LARGE1: variants seen among roughly 807,000 people sequenced by gnomAD.
LARGE1 encodes the protein LARGE xylosyl- and glucuronyltransferase 1, also known as xylosyl- and glucuronyltransferase LARGE1.
LARGE1 carries 43 observed loss-of-function variants against 87.6 expected under a neutral mutation model. The observed-to-expected ratio is 0.49, with a 90% CI of 0.38 to 0.63. LARGE1 has a LOEUF of 0.63. LARGE1 is among the 30% of genes least tolerant of loss of function. The pLI is 0.00. For missense variants in LARGE1, 802 were observed against 1,000.2 expected, an observed-to-expected ratio of 0.80 and a Z score of 2.67; for synonymous variants, 434 against 394.6, an observed-to-expected ratio of 1.10 and a Z score of -1.18.
chr22:33,123,354 G>A, the LARGE1 span, among the ~76,000 whole-genome samples: 1 of 140,542 alleles, frequency 7.1e-6, no homozygotes, highest in South Asian at 2.8e-4. Flanking sequence ...TCGACTCAGT[G>A]TTGCCATGGA....
At chr22:33,491,542 G>A (rs970073467) in intron 6 of LARGE1, among the ~76,000 whole-genome samples, 1 of 152,226 alleles carries the variant, frequency 6.6e-6, no homozygotes, top group South Asian at 2.1e-4. Flanking sequence ...TTCTGAAGAT[G>A]AAAGAATCTT....
chr22:33,431,136 A>T (rs1014690937), intron 7 of LARGE1, among the ~76,000 whole-genome samples: 4 of 152,186 alleles, frequency 2.6e-5, no homozygotes, highest in African/African-American at 4.8e-5. Context: ...GGCAATGAGG[A>T]TGGAGGAGGG....
intron 7 of LARGE1, among the ~76,000 whole-genome samples, chr22:33,395,476 T>C (rs1205264662): frequency 6.6e-6 from 1 of 152,206 alleles, no homozygotes; most frequent in African/African-American, 2.4e-5. Context: ...TCATAGCATG[T>C]AGAGGACTAC....
At chr22:33,506,181 A>G (rs935493705) in intron 6 of LARGE1, among the ~76,000 whole-genome samples, 5 of 152,152 alleles carry the variant, frequency 3.3e-5, no homozygotes, top group African/African-American at 1.2e-4. Flanking sequence ...TGCCCTGAAC[A>G]TAGTATGTGC....
At chr22:33,167,803 C>T (rs1335804511) in intron 11 of LARGE1, among the ~76,000 whole-genome samples, 1 of 152,142 alleles carries the variant, frequency 6.6e-6, no homozygotes, top group Non-Finnish European at 1.5e-5. Flanking sequence ...GTACAGCAAC[C>T]TACAAGAAGC....
At chr22:33,443,692 T>C (rs1302902422) in intron 6 of LARGE1, among the ~76,000 whole-genome samples, 1 of 152,240 alleles carries the variant, frequency 6.6e-6, no homozygotes, top group East Asian at 1.9e-4. Flanking sequence ...CCCCAAGATA[T>C]CCCCAGCAGG....
At chr22:33,557,918 T>G (rs1185267984) in intron 6 of LARGE1, among the ~76,000 whole-genome samples, 1 of 152,114 alleles carries the variant, frequency 6.6e-6, no homozygotes, top group Non-Finnish European at 1.5e-5. Context: ...GCCCAGGACT[T>G]TTAACAAAAC....
At chr22:33,470,912 A>C (rs948842850) in intron 6 of LARGE1, among the ~76,000 whole-genome samples, 1 of 152,242 alleles carries the variant, frequency 6.6e-6, no homozygotes, top group Non-Finnish European at 1.5e-5. Context: ...CTCAGGTTAG[A>C]CTTCTGTCAA....
At chr22:33,741,763 G>A (rs1270387021) in intron 2 of LARGE1, among the ~76,000 whole-genome samples, 1 of 152,180 alleles carries the variant, frequency 6.6e-6, no homozygotes, top group Non-Finnish European at 1.5e-5. Flanking sequence ...GAATGGCAGC[G>A]GGAAGAAAGA....
rs578015943 is a variant in LARGE1 at position 33,461,396 on chromosome 22, T to C, written c.788-29131A>G. Among the ~76,000 whole-genome samples, 46 of 152,296 alleles carry C rather than the reference T, an allele frequency of 3.0e-4. No individual in the cohort carries two copies. In the South Asian group the frequency reaches 9.5e-3, roughly 32 times the overall value. ...CCCATTGAATTGTTTCAGTGACTCA[T>C]TTCTAATAAATAGAATGGGACAGAA... On this transcript the variant is annotated intron_variant, in intron 6 of 14. Coordinates refer to ENST00000397394, the MANE Select transcript of LARGE1 (RefSeq NM_133642.5).
chr22:33,166,419 C>T (rs1462929911), exon 12 of LARGE1: 1 of 225,302 alleles, frequency 4.4e-6, no homozygotes, highest in African/African-American at 2.3e-5. Flanking sequence ...CTGGCACGTA[C>T]CACCTTAATC....
At chr22:33,313,574 G>C (rs1935835787) in intron 11 of LARGE1, among the ~76,000 whole-genome samples, 1 of 152,184 alleles carries the variant, frequency 6.6e-6, no homozygotes, top group South Asian at 2.1e-4. Context: ...AAGACTCCAG[G>C]GTCATGGGCC....
At chr22:33,137,616 C>G in the LARGE1 span, among the ~76,000 whole-genome samples, 1 of 152,226 alleles carries the variant, frequency 6.6e-6, no homozygotes, top group Non-Finnish European at 1.5e-5. Context: ...GTCTTCACAG[C>G]AGTCCATCAA....
intron 2 of LARGE1, among the ~76,000 whole-genome samples, chr22:33,684,332 G>A (rs2149313771): frequency 6.6e-6 from 1 of 152,068 alleles, no homozygotes; most frequent in Non-Finnish European, 1.5e-5. Flanking sequence ...GCCAACGGGA[G>A]TGCAAGGACC....
intron 6 of LARGE1, among the ~76,000 whole-genome samples, chr22:33,478,523 C>G (rs1215993744): frequency 1.3e-5 from 2 of 152,260 alleles, no homozygotes; most frequent in Non-Finnish European, 2.9e-5. Flanking sequence ...TTCCTCCATG[C>G]TGCTTTCCTA....
intron 5 of LARGE1, among the ~76,000 whole-genome samples, chr22:33,571,026 C>G (rs78341839): frequency 3.3e-5 from 5 of 152,100 alleles, no homozygotes; most frequent in Non-Finnish European, 7.4e-5. Flanking sequence ...ACTATCAACA[C>G]GCCAAAGGGT....
At chr22:33,654,575 C>T (rs19801) in intron 2 of LARGE1, among the ~76,000 whole-genome samples, 60,698 of 151,970 alleles carry the variant, frequency 0.4, 14,130 homozygotes, top group South Asian at 0.61. Context: ...GATCTCTTTG[C>T]TCAGGCTTCT....
intron 2 of LARGE1, among the ~76,000 whole-genome samples, chr22:33,651,494 G>T (rs910302480): frequency 6.6e-6 from 1 of 151,184 alleles, no homozygotes; most frequent in African/African-American, 2.4e-5. Flanking sequence ...TGTTTTAAAA[G>T]CATCACCTCT....
intron 2 of LARGE1, among the ~76,000 whole-genome samples, chr22:33,698,962 C>A (rs923636519): frequency 6.6e-6 from 1 of 152,200 alleles, no homozygotes; most frequent in African/African-American, 2.4e-5. Flanking sequence ...CCCCTGGTGA[C>A]TGGCACATAG....
Sources: allele counts gnomAD v4.1 joint callset (sites outside exome capture counted in the v4.1 genomes callset), GRCh38; gene constraint gnomAD v4.1.1; transcripts MANE v1.5; gene names NCBI Gene and HGNC (gene_info 2026-07-23, HGNC 2026-07-21).